Variants in FLNB observed in about 807,000 individuals in gnomAD.
The protein encoded by FLNB is filamin-B.
FLNB carries 111 observed loss-of-function variants against 250.6 expected under a neutral mutation model. That is an observed-to-expected ratio of 0.44 (90% CI 0.38 to 0.52). FLNB has a LOEUF of 0.52. Ranked by LOEUF, FLNB falls within the 20% of genes least tolerant of loss-of-function variation. The probability of loss-of-function intolerance (pLI) is 0.00; values close to 1 mark genes in which losing one functional copy is unlikely to be tolerated. For synonymous variants in FLNB, 1,302 were observed against 1,372.1 expected (o/e 0.95, Z 1.13); for missense variants, 2,869 against 3,447.8 (o/e 0.83, Z 4.20).
At chr3:58,029,532 T>G (rs1323700105) in intron 1 of FLNB, among the ~76,000 whole-genome samples, 2 of 149,202 alleles carry the variant, frequency 1.3e-5, no homozygotes, top group Non-Finnish European at 3.0e-5. Flanking sequence ...GTCTCAAGAG[T>G]CTTGCTCTGT....
chr3:58,121,897 C>A (rs954350586), intron 20 of FLNB, among the ~76,000 whole-genome samples: 1 of 152,180 alleles, frequency 6.6e-6, no homozygotes, highest in South Asian at 2.1e-4. Context: ...TGGCCAGGCG[C>A]GGTGGCTCAT....
rs550001088 is a variant in FLNB at position 58,149,249 on chromosome 3, T to C, written c.6091+397T>C. ...AGAGCTTTTGTGGAAATGAAGCATC[T>C]CTTTCTGTTTTCTCTTTGAGATGGT... is the stretch of plus-strand genomic sequence containing the variant. On this transcript the variant is annotated intron_variant, in intron 36 of 45. Coordinates refer to ENST00000295956, the MANE Select transcript of FLNB (RefSeq NM_001457.4). 3 of 287,504 alleles carry C rather than the reference T, an allele frequency of 1.0e-5. No homozygotes were observed. In the East Asian group the frequency reaches 2.6e-4, roughly 25 times the overall value. The allele number at this position is 287,504 out of a possible 1,614,324, so 17.8% of individuals were successfully genotyped here.
intron 4 of FLNB, among the ~76,000 whole-genome samples, chr3:58,091,347 A>G (rs2097226938): frequency 6.6e-6 from 1 of 152,228 alleles, no homozygotes; most frequent in Admixed American, 6.5e-5. Context: ...CAAAGGATAG[A>G]CATTATAGAT....
At chr3:58,087,604 C>T (rs1262709493) in intron 4 of FLNB, among the ~76,000 whole-genome samples, 2 of 152,038 alleles carry the variant, frequency 1.3e-5, no homozygotes, top group African/African-American at 4.8e-5. Flanking sequence ...AGGCGCCCAC[C>T]ACCACACCCG....
At chr3:58,095,741 A>G (rs541696956) in intron 5 of FLNB, among the ~76,000 whole-genome samples, 1 of 152,324 alleles carries the variant, frequency 6.6e-6, no homozygotes, top group African/African-American at 2.4e-5. Flanking sequence ...AAGTTTACAG[A>G]TGGATGGTCC....
chr3:58,141,745 T>G, intron 29 of FLNB, 113 bp from the exon 30 acceptor site: 1 of 987,708 alleles, frequency 1.0e-6, no homozygotes, highest in East Asian at 2.4e-5. Context: ...CTAGAGTGAG[T>G]GGCTCACTGC....
intron 43 of FLNB, among the ~76,000 whole-genome samples, chr3:58,168,070 C>T (rs1327308463): frequency 6.6e-6 from 1 of 152,208 alleles, no homozygotes; most frequent in Non-Finnish European, 1.5e-5. Context: ...ACGCCTCCCC[C>T]ACACCCCTGG....
intron 4 of FLNB, among the ~76,000 whole-genome samples, chr3:58,086,206 G>T (rs2097217146): frequency 6.7e-6 from 1 of 148,310 alleles, no homozygotes; most frequent in Non-Finnish European, 1.5e-5. Context: ...TGGCCATGTT[G>T]CCCAGGCTGG....
chr3:58,093,012 C>T (rs1227360149), intron 4 of FLNB, among the ~76,000 whole-genome samples: 1 of 152,206 alleles, frequency 6.6e-6, no homozygotes, highest in Non-Finnish European at 1.5e-5. Context: ...CTGCCCCTGA[C>T]TTCAGAGGCC....
At chr3:58,071,187 C>T (rs1377634150) in intron 1 of FLNB, among the ~76,000 whole-genome samples, 1 of 151,472 alleles carries the variant, frequency 6.6e-6, no homozygotes, top group Non-Finnish European at 1.5e-5. Context: ...CTCCTGGGCT[C>T]GAGCTATCCT....
chr3:58,101,072 T>G (rs2097250378), intron 8 of FLNB, among the ~76,000 whole-genome samples: 1 of 152,174 alleles, frequency 6.6e-6, no homozygotes, highest in African/African-American at 2.4e-5. Flanking sequence ...AAAACCAAAG[T>G]CACTTGCCAT....
intron 4 of FLNB, among the ~76,000 whole-genome samples, chr3:58,094,190 CT>C (rs1176768964): frequency 6.6e-6 from 1 of 152,244 alleles, no homozygotes; most frequent in African/African-American, 2.4e-5. Flanking sequence ...AGCAATTCTC[CT>C]GCCTCAGCCT....
At position 58,111,225 on chromosome 3, in the gene FLNB, AAG is replaced by A. The variant is rs201730974; in HGVS notation, c.2485-560_2485-559del. Among the ~76,000 whole-genome samples the A allele has an allele frequency of 9.2e-3, 1,400 of 152,298 alleles. 22 individuals are homozygous for A. The highest frequency in any genetic ancestry group is 0.059 in the East Asian group (307 of 5,172). On this transcript the variant is annotated intron_variant, in intron 16 of 45. Transcript: ENST00000295956. ...GAAGATAGGGTGAGCAGGATCCTGA[AAG>A]AGAGAATTTTGAAATCCTAGGGATT... is the stretch of plus-strand genomic sequence containing the variant.
At chr3:58,054,608 C>T (rs922569366) in intron 1 of FLNB, among the ~76,000 whole-genome samples, 6 of 152,056 alleles carry the variant, frequency 3.9e-5, no homozygotes, top group Non-Finnish European at 8.8e-5. Context: ...GGGAAAAGCC[C>T]CTTATAAAAC....
chr3:58,143,568 G>A lies in FLNB; in HGVS notation c.5380G>A (p.Gly1794Arg), dbSNP rs149600652. 5.8e-5 allele frequency: 93 copies of A among 1,614,112 alleles called. No individual in the cohort carries two copies. The highest frequency in any genetic ancestry group is 7.2e-5 in the Non-Finnish European group (85 of 1,180,026). Residue 1794 changes from glycine (G) to arginine (R), a missense_variant, in exon 32 of 46, where the codon GGG (glycine) becomes AGG (arginine). Physicochemically the swap from Gly to Arg is moderately radical, Grantham distance 125. Coordinates refer to ENST00000295956, the MANE Select transcript of FLNB (RefSeq NM_001457.4). ...TGTTAGATATGCCCCCACTGAGGTC[G>A]GGCTCCATGAGATGCACATCAAATA... is the stretch of plus-strand genomic sequence containing the variant. ...VTVRYAPTEVGLHEMHIKYMG... is the reference protein window; with the variant it reads ...VTVRYAPTEVRLHEMHIKYMG...
intron 1 of FLNB, 47 bp from the exon 2 acceptor site, chr3:58,076,999 A>C: frequency 2.5e-6 from 4 of 1,610,746 alleles, no homozygotes; most frequent in Non-Finnish European, 3.4e-6. Context: ...CATAATTTAC[A>C]CTTGTGTAAC....
At chr3:58,013,191 A>G (rs2097101424) in intron 1 of FLNB, among the ~76,000 whole-genome samples, 1 of 152,238 alleles carries the variant, frequency 6.6e-6, no homozygotes, top group Admixed American at 6.5e-5. Context: ...CAGCCCAAGA[A>G]TGATGATCAA....
chr3:58,163,080 C>T, intron 42 of FLNB, 74 bp from the exon 43 acceptor site: 7 of 1,476,090 alleles, frequency 4.7e-6, no homozygotes, highest in Non-Finnish European at 6.6e-6. Flanking sequence ...GCTTGGCCTC[C>T]ATCCTTTATC....
intron 32 of FLNB, among the ~76,000 whole-genome samples, chr3:58,145,556 T>C (rs961043172): frequency 2.6e-5 from 4 of 152,220 alleles, no homozygotes; most frequent in Admixed American, 6.5e-5. Flanking sequence ...GCAAATGGCC[T>C]TCCAAAAGCC....
Sources: allele counts gnomAD v4.1 joint callset (sites outside exome capture counted in the v4.1 genomes callset), GRCh38; gene constraint gnomAD v4.1.1; transcripts MANE v1.5; gene names NCBI Gene and HGNC (gene_info 2026-07-23, HGNC 2026-07-21).